Variants in STK39 observed in about 807,000 individuals in gnomAD.
STK39 encodes serine/threonine kinase 39, also known as STE20/SPS1-related proline-alanine-rich protein kinase.
In STK39, 20 loss-of-function variants were observed where a neutral mutation model predicts 77.8. The observed-to-expected ratio is 0.26, with a 90% CI of 0.18 to 0.37. The LOEUF is 0.37. Among genes scored for constraint, STK39 ranks in the 10% least tolerant of loss-of-function variants. The pLI, the probability that STK39 is intolerant of heterozygous loss-of-function variation, is 1.00. For missense variants in STK39, 479 were observed against 656.5 expected (o/e 0.73, Z 2.95); for synonymous variants, 246 against 234.1 (o/e 1.05, Z -0.47).
At chr2:168,207,553 A>G (rs1489843119) in intron 1 of STK39, among the ~76,000 whole-genome samples, 1 of 152,240 alleles carries the variant, frequency 6.6e-6, no homozygotes, top group Non-Finnish European at 1.5e-5. Flanking sequence ...CACACAAAGA[A>G]TACGAAATGT....
At chr2:168,161,385 A>G (rs924221857) in intron 5 of STK39, among the ~76,000 whole-genome samples, 1 of 152,346 alleles carries the variant, frequency 6.6e-6, no homozygotes, top group African/African-American at 2.4e-5. Context: ...AATGTTCACA[A>G]TTCTTTCAGA....
At position 168,140,280 on chromosome 2, in the gene STK39, T is replaced by C. The variant is rs1273729903; in HGVS notation, c.840+9A>G. 1.2e-6 allele frequency: 2 copies of C among 1,606,348 alleles called. No homozygotes were observed. Among genetic ancestry groups the C allele is most frequent in the Non-Finnish European group, 1.7e-6 (2 of 1,173,008 alleles). On this transcript the variant is annotated intron_variant, in intron 7 of 17. Coordinates refer to ENST00000355999, the MANE Select transcript of STK39 (RefSeq NM_013233.3). Reference sequence around the variant, plus strand: ...TCAACCCCGATGTAGTATTTCCAATTGTAATTACTTTCATGGGAGGATATT... The same window carrying C: ...TCAACCCCGATGTAGTATTTCCAATCGTAATTACTTTCATGGGAGGATATT...
intron 14 of STK39, among the ~76,000 whole-genome samples, chr2:168,032,902 A>G (rs1481087667): frequency 6.6e-6 from 1 of 152,258 alleles, no homozygotes; most frequent in Admixed American, 6.5e-5. Context: ...TAAGAAAATT[A>G]CTTGGTTTAA....
chr2:167,971,020 T>C (rs1692327279), intron 16 of STK39, among the ~76,000 whole-genome samples: 1 of 152,234 alleles, frequency 6.6e-6, no homozygotes. Context: ...GGCTGAAGTT[T>C]TTCTTTTGAC....
intron 1 of STK39, 106 bp from the exon 2 acceptor site, chr2:168,182,196 G>A (rs568720183): frequency 8.6e-5 from 67 of 781,230 alleles, no homozygotes; most frequent in African/African-American, 6.6e-4. Context: ...TCTACTCAGC[G>A]TATTCAGAAC....
chr2:168,244,986 CA>C (rs1307888445), intron 1 of STK39, among the ~76,000 whole-genome samples: 1 of 152,078 alleles, frequency 6.6e-6, no homozygotes, highest in African/African-American at 2.4e-5. Context: ...TATTAGTTCA[CA>C]AAAAAATACT....
intron 17 of STK39, among the ~76,000 whole-genome samples, chr2:167,963,315 G>A (rs944904686): frequency 2.6e-5 from 4 of 151,992 alleles, no homozygotes; most frequent in Admixed American, 6.6e-5. Flanking sequence ...CAAAATCTTC[G>A]GTAGTAGGAA....
chr2:168,066,712 A>C (rs1033629086), intron 12 of STK39, among the ~76,000 whole-genome samples: 6 of 152,200 alleles, frequency 3.9e-5, no homozygotes, highest in Non-Finnish European at 8.8e-5. Flanking sequence ...ATCAAGATGG[A>C]GGGCTAATCA....
chr2:168,102,100 T>G (rs967821367), intron 10 of STK39, among the ~76,000 whole-genome samples: 2 of 151,664 alleles, frequency 1.3e-5, no homozygotes, highest in Non-Finnish European at 2.9e-5. Context: ...TGGGCTACTA[T>G]GGATAATACT....
chr2:167,992,818 A>G (rs1683735121), intron 16 of STK39, among the ~76,000 whole-genome samples: 1 of 152,234 alleles, frequency 6.6e-6, no homozygotes, highest in South Asian at 2.1e-4. Context: ...ATCAGCAATG[A>G]AGCACCAAGG....
chr2:167,992,709 G>A (rs554731826), intron 16 of STK39, among the ~76,000 whole-genome samples: 10 of 152,208 alleles, frequency 6.6e-5, no homozygotes, highest in South Asian at 2.1e-4. Flanking sequence ...TCAAACAAAA[G>A]GAGTCATGGT....
intron 5 of STK39, among the ~76,000 whole-genome samples, chr2:168,158,154 C>T (rs1688482962): frequency 6.6e-6 from 1 of 152,178 alleles, no homozygotes; most frequent in African/African-American, 2.4e-5. Context: ...ACTCCCCCTT[C>T]TATCACACAG....
intron 1 of STK39, among the ~76,000 whole-genome samples, chr2:168,194,763 T>C (rs1005350752): frequency 3.9e-5 from 6 of 152,248 alleles, no homozygotes; most frequent in Non-Finnish European, 5.9e-5. Context: ...ATTCAACTTA[T>C]GTTGAGCCTC....
At chr2:168,242,621 C>T (rs1020810752) in intron 1 of STK39, among the ~76,000 whole-genome samples, 3 of 141,404 alleles carry the variant, frequency 2.1e-5, no homozygotes, top group East Asian at 2.1e-4. Flanking sequence ...CAGTGGCTCA[C>T]GCCTGTAATC....
intron 2 of STK39, among the ~76,000 whole-genome samples, chr2:168,167,856 A>G (rs1198941796): frequency 6.6e-6 from 1 of 152,030 alleles, no homozygotes; most frequent in Admixed American, 6.5e-5. Context: ...CGACAACAAA[A>G]CTGTCCCTGT....
At chr2:168,238,737 T>G (rs536750224) in intron 1 of STK39, among the ~76,000 whole-genome samples, 2 of 152,370 alleles carry the variant, frequency 1.3e-5, no homozygotes, top group East Asian at 3.9e-4. Context: ...TAAAGGATTT[T>G]TCTCTTCTGC....
chr2:168,221,951 C>T (rs952092421), intron 1 of STK39, among the ~76,000 whole-genome samples: 5 of 152,176 alleles, frequency 3.3e-5, no homozygotes, highest in Non-Finnish European at 7.3e-5. Context: ...CACCCTGTTT[C>T]ACGATTTAAT....
intron 16 of STK39, among the ~76,000 whole-genome samples, chr2:168,006,796 G>A (rs1684144139): frequency 6.6e-6 from 1 of 152,186 alleles, no homozygotes; most frequent in Non-Finnish European, 1.5e-5. Context: ...CAAGTCAAGT[G>A]GGTTTATGAT....
chr2:168,182,469 A>G (rs4667569), intron 1 of STK39, among the ~76,000 whole-genome samples: 48,281 of 151,924 alleles, frequency 0.32, 7,907 homozygotes, highest in East Asian at 0.46. Flanking sequence ...AGCTACTTCA[A>G]GGCTTTCATG....
Sources: gnomAD v4.1 joint callset for allele counts (sites outside exome capture counted in the v4.1 genomes callset) on GRCh38, gnomAD v4.1.1 for gene constraint, MANE v1.5 for transcripts, NCBI Gene and HGNC (gene_info 2026-07-23, HGNC 2026-07-21) for gene names.